Variants in ACOT11 observed in about 807,000 individuals in gnomAD.
ACOT11 encodes acyl-CoA thioesterase 11, also known as acyl-coenzyme A thioesterase 11.
In ACOT11, 69 loss-of-function variants were observed where a neutral mutation model predicts 77.5. The observed-to-expected ratio is 0.89, with a 90% confidence interval of 0.73 to 1.09. ACOT11 has a LOEUF of 1.09. Among genes scored for constraint, ACOT11 ranks in the 50% least tolerant of loss-of-function variants. The pLI is 0.00. For synonymous variants in ACOT11, 279 were observed against 313.0 expected, an observed-to-expected ratio of 0.89 and a Z score of 1.15; for missense variants, 766 against 813.7, an observed-to-expected ratio of 0.94 and a Z score of 0.71.
Position 54,593,669 on chromosome 1 carries a change from C to T in ACOT11, c.373-272C>T, listed in dbSNP as rs148689090. The stretch of plus-strand genomic sequence containing the variant: ...CATAGTCTCATTTTAATCCTCTCAA[C>T]AATCCCACAAGGGTAGGTCTGATCA... On this transcript the variant is annotated intron_variant, in intron 4 of 15. Coordinates refer to ENST00000343744, the MANE Select transcript of ACOT11 (RefSeq NM_147161.4). 5.8e-3 allele frequency among the ~76,000 whole-genome samples: 889 copies of T among 152,242 alleles called. 7 individuals are homozygous for T. The highest frequency in any genetic ancestry group is 0.02 in the African/African-American group (845 of 41,544).
At chr1:54,554,972 GTTTT>G (rs1484328051) in intron 1 of ACOT11, among the ~76,000 whole-genome samples, 1 of 147,912 alleles carries the variant, frequency 6.8e-6, no homozygotes, top group East Asian at 2.0e-4. Flanking sequence ...TTGTTTGTTT[GTTTT>G]GAGACGGAGT....
intron 1 of ACOT11, among the ~76,000 whole-genome samples, chr1:54,568,824 C>T (rs1322684326): frequency 2.0e-5 from 3 of 152,106 alleles, no homozygotes; most frequent in Non-Finnish European, 4.4e-5. Context: ...CATAGCTCAT[C>T]GTAACCTTGA....
Position 54,609,153 on chromosome 1 carries a change from C to G in ACOT11, c.*41C>G, listed in dbSNP as rs1470186911. 9.9e-6 allele frequency: 16 copies of G among 1,613,006 alleles called. No homozygotes were observed. The highest frequency in any genetic ancestry group is 1.4e-5 in the Non-Finnish European group (16 of 1,179,408). On this transcript the variant is annotated 3_prime_UTR_variant, in exon 16 of 16. Coordinates refer to ENST00000343744, the MANE Select transcript of ACOT11 (RefSeq NM_147161.4). Reference sequence around the variant, plus strand: ...ACATCATGCCCACTCCCACTCCATCCTGTCCCCAAGGACTCACATACAGTG... The same window carrying G: ...ACATCATGCCCACTCCCACTCCATCGTGTCCCCAAGGACTCACATACAGTG...
rs758472751 is a variant in ACOT11 at position 54,604,395 on chromosome 1, A to G, written c.1202A>G (p.Lys401Arg). 8 of 1,614,068 alleles carry G rather than the reference A, an allele frequency of 5.0e-6. No individual in the cohort carries two copies. In the South Asian group the frequency reaches 7.7e-5, roughly 16 times the overall value. The change falls in exon 12 of 16, where the codon AAG becomes AGG. Residue 401 changes from lysine to arginine, a missense_variant. Lys to Arg is a conservative substitution (Grantham distance 26, BLOSUM62 2). Transcript: ENST00000343744. ...NVSSLKMLVAKDNWVLSSEIS... is the reference protein window; with the variant it reads ...NVSSLKMLVARDNWVLSSEIS... ...TCCTCCTTGAAGATGCTTGTGGCCA[A>G]GGACAACTGGGTGCTGTCCTCGGAG...
intron 1 of ACOT11, among the ~76,000 whole-genome samples, chr1:54,554,347 A>T (rs146201652): frequency 0.012 from 1,185 of 98,402 alleles, 28 homozygotes; most frequent in Non-Finnish European, 0.02. Flanking sequence ...ATATATATAT[A>T]TATATTTTTT....
intron 1 of ACOT11, among the ~76,000 whole-genome samples, chr1:54,554,315 GTGTGTGTGTGTGTGTGTGTA>G (rs1653175680): frequency 1.5e-5 from 1 of 68,266 alleles, no homozygotes; most frequent in Non-Finnish European, 3.2e-5. Context: ...GTGTGTGTGT[GTGTGTGTGTGTGTGTGTGTA>G]TATATATATA....
intron 1 of ACOT11, among the ~76,000 whole-genome samples, chr1:54,583,435 C>T (rs1287868215): frequency 1.3e-5 from 2 of 152,184 alleles, no homozygotes; most frequent in Non-Finnish European, 2.9e-5. Flanking sequence ...GGTGCAAGAG[C>T]TACCACTGCC....
rs754498903 is a variant in ACOT11, at chr1:54,609,202, ATTTC to A, written c.*93_*96del. 2.5e-6 allele frequency: 4 copies of A among 1,593,762 alleles called. No homozygotes were observed. Among genetic ancestry groups the A allele is most frequent in the East Asian group, 2.2e-5 (1 of 44,646 alleles). Reference sequence around the variant, plus strand: ...TGCCTGGAGAAAGCCAAAGACCTTTATTTCTTCCTGCCTCCCCGTGGGAAGCCTC... The same window carrying A: ...TGCCTGGAGAAAGCCAAAGACCTTTATTCCTGCCTCCCCGTGGGAAGCCTC... On this transcript the variant is annotated 3_prime_UTR_variant, in exon 16 of 16. Coordinates refer to ENST00000343744, the MANE Select transcript of ACOT11 (RefSeq NM_147161.4).
rs982986805 is a variant in ACOT11, at chr1:54,604,406, G to A, written c.1213G>A (p.Val405Met). The A allele has an allele frequency of 1.9e-6, 3 of 1,613,900 alleles. No homozygotes were observed. Among genetic ancestry groups the A allele is most frequent in the Non-Finnish European group, 2.5e-6 (3 of 1,180,030 alleles). ...LKMLVAKDNWVLSSEISQVRL... is the reference protein window; with the variant it reads ...LKMLVAKDNWMLSSEISQVRL... ...GATGCTTGTGGCCAAGGACAACTGG[G>A]TGCTGTCCTCGGAGATCAGTCAGGT... is the stretch of plus-strand genomic sequence containing the variant. The change falls in exon 12 of 16, where the codon GTG becomes ATG. Residue 405 changes from valine to methionine, a missense_variant. Val to Met is a conservative substitution (Grantham distance 21, BLOSUM62 1). Transcript: ENST00000343744.
chr1:54,602,779 G>A (rs1045606346), intron 10 of ACOT11, 55 bp downstream of exon 10: 16 of 1,461,484 alleles, frequency 1.1e-5, no homozygotes, highest in East Asian at 7.9e-5. Flanking sequence ...TTCACGCTCC[G>A]CTGACCCCAG....
At chr1:54,624,115 G>C (rs1005332928) in intron 15 of ACOT11, among the ~76,000 whole-genome samples, 2 of 152,170 alleles carry the variant, frequency 1.3e-5, no homozygotes, top group Non-Finnish European at 2.9e-5. Context: ...AGGGAGTTCT[G>C]GGGGCCCTGG....
intron 1 of ACOT11, among the ~76,000 whole-genome samples, chr1:54,564,582 C>T (rs1653670753): frequency 6.6e-6 from 1 of 152,254 alleles, no homozygotes; most frequent in Non-Finnish European, 1.5e-5. Context: ...GTTTCCAGCA[C>T]CACACCTGGG....
intron 1 of ACOT11, among the ~76,000 whole-genome samples, chr1:54,575,942 G>A (rs1233787025): frequency 6.6e-6 from 1 of 152,216 alleles, no homozygotes; most frequent in East Asian, 1.9e-4. Flanking sequence ...GTTCATGTCT[G>A]TTGTGTGTGC....
At chr1:54,611,755 C>T (rs754125731), downstream of ACOT11, 372 of 1,613,684 alleles carry the variant, frequency 2.3e-4, 3 homozygotes, top group Admixed American at 1.5e-4. Flanking sequence ...CCTGGGGACA[C>T]GAGAGCTGGC....
At chr1:54,585,730 C>T in intron 2 of ACOT11, 105 bp from the exon 3 acceptor site, 1 of 1,123,772 alleles carries the variant, frequency 8.9e-7, no homozygotes, top group Non-Finnish European at 1.3e-6. Flanking sequence ...GGAGTTGTGG[C>T]CTTGGCTTGG....
At chr1:54,555,021 C>T (rs543760381) in intron 1 of ACOT11, among the ~76,000 whole-genome samples, 32 of 152,240 alleles carry the variant, frequency 2.1e-4, no homozygotes, top group South Asian at 1.7e-3. Flanking sequence ...TGTAGTGGCA[C>T]GACCTTGGCT....
intron 1 of ACOT11, among the ~76,000 whole-genome samples, chr1:54,567,590 A>G (rs1250047662): frequency 3.3e-5 from 5 of 151,194 alleles, no homozygotes; most frequent in African/African-American, 1.2e-4. Context: ...TTTTTCCCTA[A>G]TTTTTATCCT....
exon 17 of ACOT11, chr1:54,636,316 CAGGATAAT>C (rs778961207): frequency 6.6e-6 from 1 of 152,118 alleles, no homozygotes; most frequent in Non-Finnish European, 1.5e-5. Flanking sequence ...TCGAGCATGG[CAGGATAAT>C]AGGATAATAG....
intron 13 of ACOT11, among the ~76,000 whole-genome samples, chr1:54,606,676 C>T (rs552202506): frequency 7.9e-5 from 12 of 152,282 alleles, no homozygotes; most frequent in African/African-American, 2.9e-4. Context: ...GATTAAGTGA[C>T]ACATGTAAAG....
Sources: allele counts gnomAD v4.1 joint callset (sites outside exome capture counted in the v4.1 genomes callset), GRCh38; gene constraint gnomAD v4.1.1; transcripts MANE v1.5; gene names NCBI Gene and HGNC (gene_info 2026-07-23, HGNC 2026-07-21).